The following MGAT4C variants were observed in gnomAD, a reference collection of about 807,000 sequenced individuals.
MGAT4C encodes the protein alpha-1,3-mannosyl-glycoprotein 4-beta-N-acetylglucosaminyltransferase C.
A neutral mutation model predicts 40.1 loss-of-function variants in MGAT4C; 19 were observed. The ratio of observed to expected loss-of-function variants is 0.47; its 90% CI spans 0.33 to 0.70. The LOEUF (loss-of-function observed/expected upper bound fraction) is 0.70, where lower values mean the gene tolerates loss of function less well. Among genes scored for constraint, MGAT4C ranks in the 30% least tolerant of loss-of-function variants. The pLI is 0.02. For missense variants in MGAT4C, 491 were observed against 563.2 expected (o/e 0.87, Z 1.30); for synonymous variants, 181 against 187.1 (o/e 0.97, Z 0.27).
chr12:86,595,842 T>C (rs908709793), intron 2 of MGAT4C, among the ~76,000 whole-genome samples: 1 of 152,276 alleles, frequency 6.6e-6, no homozygotes, highest in African/African-American at 2.4e-5. Context: ...AGCTACACAA[T>C]TAGTCACCAC....
At chr12:86,714,774 AAAGGAAGGAAGGAAGG>A (rs71445060) in intron 2 of MGAT4C, among the ~76,000 whole-genome samples, 33 of 141,504 alleles carry the variant, frequency 2.3e-4, no homozygotes, top group African/African-American at 7.9e-4. Flanking sequence ...TGGAAGGGAA[AAAGGAAGGAAGGAAGG>A]AAGGAAGGAA....
intron 1 of MGAT4C, among the ~76,000 whole-genome samples, chr12:86,058,184 C>T (rs952770303): frequency 6.6e-6 from 1 of 152,000 alleles, no homozygotes; most frequent in African/African-American, 2.4e-5. Context: ...TATTTTATTA[C>T]ACTCATGCAT....
At chr12:86,223,488 A>G (rs1950959011) in intron 1 of MGAT4C, among the ~76,000 whole-genome samples, 1 of 152,020 alleles carries the variant, frequency 6.6e-6, no homozygotes, top group Non-Finnish European at 1.5e-5. Flanking sequence ...CCAAGAAACC[A>G]CATGACCCAC....
chr12:86,493,172 A>C (rs189926189), intron 2 of MGAT4C, among the ~76,000 whole-genome samples: 5,056 of 150,730 alleles, frequency 0.034, 440 homozygotes, highest in East Asian at 0.23. Flanking sequence ...GATGTGGAGA[A>C]ATAGGAACAC....
At chr12:86,624,580 A>G (rs1055724306) in intron 2 of MGAT4C, among the ~76,000 whole-genome samples, 2 of 152,168 alleles carry the variant, frequency 1.3e-5, no homozygotes, top group Non-Finnish European at 2.9e-5. Flanking sequence ...AAATTAGGCC[A>G]TGAAAGTCCC....
At chr12:86,562,134 A>G (rs1959895020) in intron 2 of MGAT4C, among the ~76,000 whole-genome samples, 1 of 152,158 alleles carries the variant, frequency 6.6e-6, no homozygotes, top group Non-Finnish European at 1.5e-5. Flanking sequence ...ATGAAAGAAA[A>G]TGAAATTCTC....
At chr12:86,239,497 T>G (rs892755609) in intron 1 of MGAT4C, among the ~76,000 whole-genome samples, 1 of 152,098 alleles carries the variant, frequency 6.6e-6, no homozygotes, top group Admixed American at 6.6e-5. Flanking sequence ...CAATTAAAAT[T>G]AATATGTATT....
chr12:86,799,123 T>C (rs2136201102), intron 1 of MGAT4C, among the ~76,000 whole-genome samples: 1 of 151,904 alleles, frequency 6.6e-6, no homozygotes, highest in African/African-American at 2.4e-5. Flanking sequence ...TTTCATAAAT[T>C]TAACCTAATT....
intron 1 of MGAT4C, among the ~76,000 whole-genome samples, chr12:86,089,180 G>C (rs1872440884): frequency 6.6e-6 from 1 of 151,892 alleles, no homozygotes; most frequent in Admixed American, 6.6e-5. Flanking sequence ...CCTAATATAA[G>C]TATAAAGCTA....
chr12:86,580,770 CT>C lies in MGAT4C; in HGVS notation c.-228-145506del, dbSNP rs1206405728. The stretch of plus-strand genomic sequence containing the variant: ...ATAACACTTTCTTCCATTTTCTTCT[CT>C]ATATGCTGTAGGATAAGATAAACAT... On this transcript the variant is annotated intron_variant, in intron 2 of 7. Coordinates refer to the MGAT4C transcript ENST00000548651. 2.6e-5 allele frequency among the ~76,000 whole-genome samples: 4 copies of C among 151,390 alleles called. No homozygotes were observed. The East Asian group carries it at 7.8e-4, about 29-fold the overall frequency.
chr12:86,625,014 C>T (rs984123941), intron 2 of MGAT4C, among the ~76,000 whole-genome samples: 3 of 151,998 alleles, frequency 2.0e-5, no homozygotes, highest in Non-Finnish European at 2.9e-5. Flanking sequence ...GGGCGGTTTT[C>T]CCCATGCTGG....
intron 1 of MGAT4C, among the ~76,000 whole-genome samples, chr12:86,187,312 C>T (rs933600481): frequency 6.6e-6 from 1 of 151,978 alleles, no homozygotes; most frequent in East Asian, 1.9e-4. Context: ...TGCAAATCTT[C>T]CCTTTTTGTT....
intron 2 of MGAT4C, among the ~76,000 whole-genome samples, chr12:86,044,886 T>G (rs1592767811): frequency 6.6e-6 from 1 of 152,120 alleles, no homozygotes; most frequent in Non-Finnish European, 1.5e-5. Context: ...CAGCTTTCCC[T>G]GCTAGCTCAA....
chr12:86,358,180 T>G (rs1198348617), intron 3 of MGAT4C, among the ~76,000 whole-genome samples: 1 of 152,148 alleles, frequency 6.6e-6, no homozygotes, highest in East Asian at 1.9e-4. Context: ...ATATACAACA[T>G]TCTTAAAGAA....
chr12:86,138,395 C>G (rs1382285712), intron 1 of MGAT4C, among the ~76,000 whole-genome samples: 1 of 150,482 alleles, frequency 6.6e-6, no homozygotes, highest in African/African-American at 2.4e-5. Flanking sequence ...ACTTGGATAT[C>G]AGGCAACTCA....
At chr12:86,413,613 T>C (rs1213134695) in intron 3 of MGAT4C, among the ~76,000 whole-genome samples, 1 of 152,184 alleles carries the variant, frequency 6.6e-6, no homozygotes, top group Admixed American at 6.5e-5. Flanking sequence ...TCTGAAGACA[T>C]GGGAAGTGTT....
chr12:86,817,862 C>G (rs1372763011), intron 1 of MGAT4C, among the ~76,000 whole-genome samples: 1 of 151,378 alleles, frequency 6.6e-6, no homozygotes, highest in South Asian at 2.1e-4. Context: ...AATCTGTACA[C>G]TAGGATAGAG....
chr12:86,675,260 T>C (rs1964363531), intron 2 of MGAT4C, among the ~76,000 whole-genome samples: 2 of 152,216 alleles, frequency 1.3e-5, no homozygotes, highest in South Asian at 2.1e-4. Flanking sequence ...AATCATATGT[T>C]GATAGAAATC....
At chr12:85,996,984 C>T (rs376414555) in intron 2 of MGAT4C, among the ~76,000 whole-genome samples, 220 of 152,286 alleles carry the variant, frequency 1.4e-3, no homozygotes, top group African/African-American at 5.0e-3. Flanking sequence ...CTCCACCCAA[C>T]AATAGCAGTG....
Sources: allele counts gnomAD v4.1 joint callset (sites outside exome capture counted in the v4.1 genomes callset), GRCh38; gene constraint gnomAD v4.1.1; transcripts MANE v1.5; gene names NCBI Gene and HGNC (gene_info 2026-07-23, HGNC 2026-07-21).